The following FRAS1 variants were observed in gnomAD, a reference collection of about 807,000 sequenced individuals.
FRAS1 encodes the protein extracellular matrix organizing protein FRAS1.
A neutral mutation model predicts 435.2 loss-of-function variants in FRAS1; 290 were observed. The observed-to-expected ratio is 0.67, with a 90% CI of 0.61 to 0.73. The LOEUF is 0.73. Ranked by LOEUF, FRAS1 falls within the 30% of genes least tolerant of loss-of-function variation. The probability of loss-of-function intolerance (pLI) is 0.00; values close to 1 mark genes in which losing one functional copy is unlikely to be tolerated. For synonymous variants in FRAS1, 1,800 were observed against 1,851.0 expected, an observed-to-expected ratio of 0.97 and a Z score of 0.71; for missense variants, 4,860 against 5,001.5, an observed-to-expected ratio of 0.97 and a Z score of 0.85.
At chr4:78,373,002 T>G in intron 24 of FRAS1, 144 bp downstream of exon 24, 1 of 947,340 alleles carries the variant, frequency 1.1e-6, no homozygotes. Context: ...CTATCTTTGT[T>G]ATCATGAAAA....
Position 78,438,679 on chromosome 4 carries a change from C to G in FRAS1, c.5327C>G (p.Ser1776Cys), listed in dbSNP as rs1278431409. Residue 1776 changes from serine (S) to cysteine (C), a missense_variant, in exon 39 of 74, where the codon TCC becomes TGC. Coordinates refer to ENST00000512123, the MANE Select transcript of FRAS1 (RefSeq NM_025074.7). ...GSEVEELSEV[S>C]NFTMEDINNK... ...GAGGTGGAAGAGCTCTCAGAAGTTT[C>G]CAATTTCACAATGGAAGACATCAAT... 3 of 1,610,854 alleles carry G rather than the reference C, an allele frequency of 1.9e-6. No individual in the cohort carries two copies. The highest frequency in any genetic ancestry group is 2.7e-5 in the African/African-American group (2 of 74,870).
At chr4:78,289,070 C>T (rs1273313952) in intron 14 of FRAS1, among the ~76,000 whole-genome samples, 3 of 152,172 alleles carry the variant, frequency 2.0e-5, no homozygotes, top group Middle Eastern at 3.4e-3. Context: ...AAACTAATTA[C>T]CAGAAATCAC....
intron 40 of FRAS1, 21 bp downstream of exon 40, chr4:78,439,085 TAA>T (rs763733198): frequency 1.2e-6 from 2 of 1,601,260 alleles, no homozygotes; most frequent in Non-Finnish European, 1.7e-6. Flanking sequence ...CTCAGATCAA[TAA>T]ACAGTGAGTA....
intron 9 of FRAS1, among the ~76,000 whole-genome samples, chr4:78,277,818 AT>A (rs1042052240): frequency 1.5e-3 from 221 of 146,712 alleles, no homozygotes; most frequent in Middle Eastern, 7.0e-3. Context: ...TCCACTTATA[AT>A]TTTTTTTTTT....
At chr4:78,075,034 G>C (rs1355241406) in intron 2 of FRAS1, among the ~76,000 whole-genome samples, 1 of 152,248 alleles carries the variant, frequency 6.6e-6, no homozygotes, top group East Asian at 1.9e-4. Context: ...TGACAGGCTT[G>C]CTCCCTGGAA....
chr4:78,315,537 C>T (rs1012364288), intron 15 of FRAS1, 57 bp from the exon 16 acceptor site: 33 of 1,536,786 alleles, frequency 2.1e-5, no homozygotes, highest in East Asian at 6.9e-5. Flanking sequence ...GAATAGACTT[C>T]ACTGCTTCTT....
In FRAS1 at chr4:78,412,969, G is replaced by A. The variant is rs1560713046; in HGVS notation, c.4309G>A (p.Val1437Met). ...CTCACCAGGATGACTTTCTTTTCAG[G>A]TGTCCAGTGCCTCCAATGCCCAGAC... ...PAQSDSFRFE[V>M]SSASNAQTRL... Residue 1437 changes from valine (V) to methionine (M), a missense_variant and splice_region_variant, in exon 32 of 74, where the codon GTG (valine) becomes ATG (methionine). Val to Met is a conservative substitution (Grantham distance 21). Transcript: ENST00000512123. 3 of 1,590,998 alleles carry A rather than the reference G, an allele frequency of 1.9e-6. No homozygotes were observed. Among genetic ancestry groups the A allele is most frequent in the Non-Finnish European group, 2.6e-6 (3 of 1,167,710 alleles).
At chr4:78,396,666 T>C (rs1033237550) in intron 29 of FRAS1, among the ~76,000 whole-genome samples, 10 of 152,254 alleles carry the variant, frequency 6.6e-5, no homozygotes, top group African/African-American at 2.4e-4. Context: ...ACTGGTTTAT[T>C]TGATGGTGTC....
intron 50 of FRAS1, 37 bp from the exon 51 acceptor site, chr4:78,469,941 G>A (rs1719650422): frequency 1.4e-6 from 2 of 1,468,270 alleles, no homozygotes; most frequent in African/African-American, 1.4e-5. Context: ...TCAGGTACTT[G>A]TGAATGATGA....
intron 26 of FRAS1, among the ~76,000 whole-genome samples, chr4:78,377,085 A>T (rs1731796334): frequency 2.0e-5 from 3 of 152,122 alleles, no homozygotes; most frequent in Admixed American, 6.6e-5. Flanking sequence ...TAACAAAGAG[A>T]AGTGAATTTA....
intron 2 of FRAS1, among the ~76,000 whole-genome samples, chr4:78,131,663 G>A (rs1323311225): frequency 3.9e-5 from 6 of 152,204 alleles, no homozygotes; most frequent in Non-Finnish European, 7.3e-5. Context: ...GAGGGTGTGT[G>A]TCTCTCCGAG....
At chr4:78,413,156 G>A in intron 32 of FRAS1, 71 bp downstream of exon 32, 1 of 900,142 alleles carries the variant, frequency 1.1e-6, no homozygotes, top group Non-Finnish European at 1.7e-6. Context: ...ATTTGATAGA[G>A]TGTCCTGGTT....
intron 9 of FRAS1, among the ~76,000 whole-genome samples, chr4:78,271,035 A>G (rs890887202): frequency 6.6e-6 from 1 of 152,258 alleles, no homozygotes; most frequent in South Asian, 2.1e-4. Flanking sequence ...GCTCAAGAAA[A>G]GTAGAAAAGA....
chr4:78,133,689 A>G (rs1012724027), intron 2 of FRAS1, among the ~76,000 whole-genome samples: 4 of 152,148 alleles, frequency 2.6e-5, no homozygotes, highest in Non-Finnish European at 5.9e-5. Context: ...GTATTTTCCT[A>G]AAAAATATGC....
intron 50 of FRAS1, among the ~76,000 whole-genome samples, chr4:78,468,496 AT>A (rs1460340168): frequency 2.6e-5 from 4 of 151,938 alleles, no homozygotes; most frequent in Non-Finnish European, 5.9e-5. Flanking sequence ...CATCATCATC[AT>A]CATCATCATC....
At chr4:78,424,076 G>A (rs536553997) in intron 34 of FRAS1, among the ~76,000 whole-genome samples, 19 of 152,136 alleles carry the variant, frequency 1.2e-4, no homozygotes, top group African/African-American at 4.1e-4. Context: ...CGACTCACCC[G>A]CATTCACCGA....
intron 2 of FRAS1, among the ~76,000 whole-genome samples, chr4:78,223,865 C>G (rs1724158155): frequency 6.6e-6 from 1 of 152,108 alleles, no homozygotes; most frequent in South Asian, 2.1e-4. Context: ...AGCAGCTAAG[C>G]AATTCTTATA....
At chr4:78,292,833 G>T (rs543280153) in intron 14 of FRAS1, among the ~76,000 whole-genome samples, 15 of 152,244 alleles carry the variant, frequency 9.9e-5, no homozygotes, top group Middle Eastern at 3.4e-3. Context: ...CAGTTTAGGG[G>T]CCCTGCATGT....
intron 2 of FRAS1, among the ~76,000 whole-genome samples, chr4:78,112,294 G>T (rs868182573): frequency 6.6e-6 from 1 of 152,024 alleles, no homozygotes; most frequent in Non-Finnish European, 1.5e-5. Context: ...AATACATATT[G>T]GGAACCTGGC....
Sources: allele counts gnomAD v4.1 joint callset (sites outside exome capture counted in the v4.1 genomes callset), GRCh38; gene constraint gnomAD v4.1.1; transcripts MANE v1.5; gene names NCBI Gene and HGNC (gene_info 2026-07-23, HGNC 2026-07-21).